The following GUCY1A2 variants were observed in gnomAD, a reference collection of about 807,000 sequenced individuals.
The protein encoded by GUCY1A2 is guanylate cyclase soluble subunit alpha-2.
In GUCY1A2, 27 loss-of-function variants were observed where a neutral mutation model predicts 63.5. The ratio of observed to expected loss-of-function variants is 0.43; its 90% CI spans 0.31 to 0.59. GUCY1A2 has a LOEUF of 0.59. GUCY1A2 is among the 20% of genes least tolerant of loss of function. The pLI is 0.11. For synonymous variants in GUCY1A2, 364 were observed against 343.5 expected (o/e 1.06, Z -0.66); for missense variants, 768 against 913.3 (o/e 0.84, Z 2.05).
chr11:106,972,724 C>A (rs990779776), intron 3 of GUCY1A2, among the ~76,000 whole-genome samples: 1 of 152,026 alleles, frequency 6.6e-6, no homozygotes, highest in Non-Finnish European at 1.5e-5. Context: ...ACATTCCACT[C>A]AATATCCAAT....
intron 7 of GUCY1A2, 130 bp downstream of exon 7, chr11:106,708,382 T>A: frequency 1.6e-6 from 1 of 637,326 alleles, no homozygotes; most frequent in African/African-American, 1.9e-5. Flanking sequence ...ATCTTTTGGG[T>A]TTGGGCAGTT....
intron 4 of GUCY1A2, among the ~76,000 whole-genome samples, chr11:106,855,477 C>CAT (rs1859416534): frequency 6.6e-6 from 1 of 151,594 alleles, no homozygotes; most frequent in Non-Finnish European, 1.5e-5. Flanking sequence ...TGTTTTGGTC[C>CAT]TTTTTTTTGT....
intron 5 of GUCY1A2, among the ~76,000 whole-genome samples, chr11:106,790,381 T>C (rs746264596): frequency 6.6e-6 from 1 of 151,394 alleles, no homozygotes; most frequent in African/African-American, 2.4e-5. Context: ...GGCTTATCCT[T>C]TGGGGCAATG....
chr11:106,868,793 T>C (rs1274622275), intron 4 of GUCY1A2, among the ~76,000 whole-genome samples: 2 of 152,092 alleles, frequency 1.3e-5, no homozygotes, highest in African/African-American at 2.4e-5. Flanking sequence ...GAGCCCACAT[T>C]GCCAAGTCAA....
intron 4 of GUCY1A2, among the ~76,000 whole-genome samples, chr11:106,864,544 G>A (rs1859563036): frequency 6.6e-6 from 1 of 152,020 alleles, no homozygotes; most frequent in South Asian, 2.1e-4. Context: ...TGCATGATAT[G>A]GGCGATGGGT....
intron 4 of GUCY1A2, among the ~76,000 whole-genome samples, chr11:106,909,392 C>CGTGTGTGTGTGTGTGTGTGTGT (rs1408056529): frequency 1.4e-4 from 19 of 135,648 alleles, no homozygotes; most frequent in African/African-American, 2.4e-4. Context: ...TGTGTGTGTA[C>CGTGTGTGTGTGTGTGTGTGTGT]GCTTTTCATT....
At chr11:106,875,692 G>T (rs1859739406) in intron 4 of GUCY1A2, among the ~76,000 whole-genome samples, 1 of 152,022 alleles carries the variant, frequency 6.6e-6, no homozygotes, top group South Asian at 2.1e-4. Flanking sequence ...GCCAACTATA[G>T]AATTCATTAC....
intron 4 of GUCY1A2, among the ~76,000 whole-genome samples, chr11:106,882,056 TTTC>T (rs1158469209): frequency 1.3e-5 from 2 of 151,820 alleles, no homozygotes; most frequent in Non-Finnish European, 2.9e-5. Flanking sequence ...TCTCATTCTC[TTTC>T]TTTTCTTTTC....
Position 106,705,583 on chromosome 11 carries a change from G to C in GUCY1A2, c.1991+2929C>G, listed in dbSNP as rs1014357202. Among the ~76,000 whole-genome samples the C allele has an allele frequency of 4.6e-5, 7 of 152,210 alleles. No individual in the cohort carries two copies. In the East Asian group the frequency reaches 1.4e-3, roughly 29 times the overall value. ...ATATATAGAACATGGGACTGAGGCA[G>C]GGCGCAGTGGCTCAGGCTTATAATC... is the stretch of plus-strand genomic sequence containing the variant. On this transcript the variant is annotated intron_variant, in intron 7 of 7. Transcript: ENST00000526355.
intron 5 of GUCY1A2, among the ~76,000 whole-genome samples, chr11:106,790,302 G>A (rs915848629): frequency 6.6e-6 from 1 of 152,150 alleles, no homozygotes; most frequent in African/African-American, 2.4e-5. Context: ...CATCAAACAG[G>A]CTACCGCTGA....
chr11:106,782,032 G>C (rs887101621), intron 5 of GUCY1A2, among the ~76,000 whole-genome samples: 4 of 152,206 alleles, frequency 2.6e-5, no homozygotes, highest in Non-Finnish European at 4.4e-5. Flanking sequence ...GAAGAAAGAA[G>C]TCGGGGTGAG....
chr11:106,946,006 T>C (rs1009412383), intron 3 of GUCY1A2, among the ~76,000 whole-genome samples: 11 of 152,014 alleles, frequency 7.2e-5, no homozygotes, highest in African/African-American at 2.7e-4. Flanking sequence ...TACTGATACA[T>C]AGAAAAACTA....
At chr11:106,827,877 C>T (rs1429019706) in intron 4 of GUCY1A2, 5 of 1,585,872 alleles carry the variant, frequency 3.2e-6, no homozygotes, top group Admixed American at 3.3e-5. Flanking sequence ...CATGGGAGGG[C>T]GCGCTGCCTT....
intron 1 of GUCY1A2, among the ~76,000 whole-genome samples, chr11:106,999,487 AC>A (rs1439194292): frequency 6.6e-6 from 1 of 152,158 alleles, no homozygotes; most frequent in Non-Finnish European, 1.5e-5. Flanking sequence ...ATGTTATGTA[AC>A]ATCTTTACAT....
chr11:106,827,246 C>A (rs1274778709), intron 4 of GUCY1A2: 5 of 1,548,802 alleles, frequency 3.2e-6, no homozygotes, highest in Non-Finnish European at 4.5e-6. Flanking sequence ...TTTTTCCTTC[C>A]TTCAGTTGTA....
chr11:106,874,272 T>C (rs1859719353), intron 4 of GUCY1A2, among the ~76,000 whole-genome samples: 1 of 152,190 alleles, frequency 6.6e-6, no homozygotes, highest in South Asian at 2.1e-4. Flanking sequence ...CAATAGGCTG[T>C]GGCCTTTGTA....
intron 1 of GUCY1A2, among the ~76,000 whole-genome samples, chr11:106,987,895 C>T (rs1269064299): frequency 1.3e-5 from 2 of 152,274 alleles, no homozygotes; most frequent in East Asian, 3.9e-4. Context: ...CCTTTCACCA[C>T]ACAAATCTAA....
chr11:106,879,617 A>G (rs1222535885), intron 4 of GUCY1A2, among the ~76,000 whole-genome samples: 12 of 152,034 alleles, frequency 7.9e-5, no homozygotes, highest in Admixed American at 7.9e-4. Context: ...GGTTTGTTCC[A>G]GTGAGAAAGA....
chr11:106,880,964 C>T (rs1859814944), intron 4 of GUCY1A2, among the ~76,000 whole-genome samples: 1 of 152,072 alleles, frequency 6.6e-6, no homozygotes, highest in Non-Finnish European at 1.5e-5. Context: ...GCTAGCTCTT[C>T]CATTAACTAA....
Sources: allele counts gnomAD v4.1 joint callset (sites outside exome capture counted in the v4.1 genomes callset), GRCh38; gene constraint gnomAD v4.1.1; transcripts MANE v1.5; gene names NCBI Gene and HGNC (gene_info 2026-07-23, HGNC 2026-07-21).